The following XPNPEP1 variants were observed in gnomAD, a reference collection of about 807,000 sequenced individuals.
The protein encoded by XPNPEP1 is xaa-Pro aminopeptidase 1.
A neutral mutation model predicts 92.4 loss-of-function variants in XPNPEP1; 39 were observed. That is an observed-to-expected ratio of 0.42 (90% CI 0.33 to 0.55). XPNPEP1 has a LOEUF of 0.55. Among genes scored for constraint, XPNPEP1 ranks in the 20% least tolerant of loss-of-function variants. The probability of loss-of-function intolerance (pLI) is 0.08; values close to 1 mark genes in which losing one functional copy is unlikely to be tolerated. For synonymous variants in XPNPEP1, 307 were observed against 299.4 expected (o/e 1.03, Z -0.26); for missense variants, 654 against 856.1 (o/e 0.76, Z 2.95).
chr10:109,871,063 G>A, intron 17 of XPNPEP1, 159 bp from the exon 18 acceptor site: 2 of 798,276 alleles, frequency 2.5e-6, no homozygotes, highest in Non-Finnish European at 3.7e-6. Flanking sequence ...AACAATCAGA[G>A]CTCCTGAGAA....
At chr10:109,908,719 G>A (rs1849691421) in intron 2 of XPNPEP1, among the ~76,000 whole-genome samples, 2 of 152,236 alleles carry the variant, frequency 1.3e-5, no homozygotes, top group African/African-American at 4.8e-5. Context: ...TCACCCAAGT[G>A]TTAAGAGTGG....
chr10:109,871,833 T>TG lies in XPNPEP1; in HGVS notation c.1480dup (p.His494ProfsTer19), dbSNP rs1430754527. ...GAAAACGGCTGCACTCACAGCTATG[T>TG]GGCCCTTGAGGACATATGTGAAGCA... On this transcript the variant is annotated frameshift_variant, in exon 17 of 21. Coordinates refer to ENST00000502935, the MANE Select transcript of XPNPEP1 (RefSeq NM_020383.4). LOFTEE classifies it high-confidence loss of function. The TG allele has an allele frequency of 6.2e-7, 1 of 1,614,224 alleles. No homozygotes were observed. Among genetic ancestry groups the TG allele is most frequent in the Admixed American group, 1.7e-5 (1 of 60,026 alleles).
At chr10:109,900,274 C>T (rs936120764) in intron 3 of XPNPEP1, among the ~76,000 whole-genome samples, 7 of 152,136 alleles carry the variant, frequency 4.6e-5, no homozygotes, top group African/African-American at 1.2e-4. Context: ...AGGAGAAACT[C>T]CATCAACCCA....
In XPNPEP1 at chr10:109,870,880, C is replaced by T. The variant is rs781349154; in HGVS notation, c.1547G>A (p.Arg516His). The T allele has an allele frequency of 6.8e-6, 11 of 1,613,760 alleles. No individual in the cohort carries two copies. Among genetic ancestry groups the T allele is most frequent in the South Asian group, 2.2e-5 (2 of 91,058 alleles). ...TKGHLLDSFARSALWDSGLDY... is the reference protein window; with the variant it reads ...TKGHLLDSFAHSALWDSGLDY... ...TAGGCCTGAATCCCATAAAGCTGAA[C>T]GGGCAAAGGAGTCAAGAAGGTGACC... The change falls in exon 18 of 21, where the codon CGT (arginine) becomes CAT (histidine). Residue 516 changes from arginine (R) to histidine (H), a missense_variant. Transcript: ENST00000502935.
At chr10:109,896,681 C>A (rs755743288) in intron 3 of XPNPEP1, among the ~76,000 whole-genome samples, 8 of 152,060 alleles carry the variant, frequency 5.3e-5, no homozygotes, top group South Asian at 2.1e-4. Context: ...CCTGTCCCTG[C>A]ACTCAGCACA....
In XPNPEP1 at chr10:109,867,881, T is replaced by A. The variant is rs1487188832; in HGVS notation, c.1872+733A>T. On this transcript the variant is annotated intron_variant, in intron 20 of 20. Coordinates refer to ENST00000502935, the MANE Select transcript of XPNPEP1 (RefSeq NM_020383.4). This position sits in a 1 kb window ranked among gnomAD's most constrained non-coding sequence, Gnocchi z 4.5. ...TTTGGGAACTGTTTTGTCTGTCTAG[T>A]GCTAACAGTTCCTACCCCATTTCTG... Among the ~76,000 whole-genome samples, 1 of 152,246 alleles carries A rather than the reference T, an allele frequency of 6.6e-6. No individual in the cohort carries two copies. Among genetic ancestry groups the A allele is most frequent in the East Asian group, 1.9e-4 (1 of 5,198 alleles).
intron 8 of XPNPEP1, among the ~76,000 whole-genome samples, chr10:109,885,511 T>C (rs1848341295): frequency 6.6e-6 from 1 of 152,218 alleles, no homozygotes; most frequent in African/African-American, 2.4e-5. Flanking sequence ...ATCATTAAGT[T>C]AATTAGGGAT....
intron 5 of XPNPEP1, among the ~76,000 whole-genome samples, chr10:109,889,096 C>A (rs1393510800): frequency 6.6e-6 from 1 of 152,218 alleles, no homozygotes; most frequent in Non-Finnish European, 1.5e-5. Flanking sequence ...AAGGCCGCTG[C>A]CCCATAACCA....
intron 1 of XPNPEP1, among the ~76,000 whole-genome samples, chr10:109,916,651 C>A (rs1000829895): frequency 6.6e-6 from 1 of 152,054 alleles, no homozygotes; most frequent in East Asian, 1.9e-4. Context: ...ATGTTCTTAA[C>A]GAGAGTAAAC....
In XPNPEP1 at chr10:109,882,680, G is replaced by A. The variant is rs768611752; in HGVS notation, c.831-38C>T. On this transcript the variant is annotated intron_variant, in intron 9 of 20. Coordinates refer to ENST00000502935, the MANE Select transcript of XPNPEP1 (RefSeq NM_020383.4). ...GAGAGGTGGGTGGCAGAAAAAGGAG[G>A]GAACATGAGTGAGAGGTGGCAACAC... 5 of 1,607,932 alleles carry A rather than the reference G, an allele frequency of 3.1e-6. No individual in the cohort carries two copies. In the Admixed American group the frequency reaches 6.7e-5, roughly 22 times the overall value.
At chr10:109,888,881 A>G (rs892949997) in intron 5 of XPNPEP1, among the ~76,000 whole-genome samples, 3 of 152,228 alleles carry the variant, frequency 2.0e-5, no homozygotes, top group Non-Finnish European at 4.4e-5. Flanking sequence ...CTTGGGGATC[A>G]CTGCCACGTA....
At chr10:109,865,404 G>A in intron 20 of XPNPEP1, 92 bp from the exon 21 acceptor site, 2 of 1,536,418 alleles carry the variant, frequency 1.3e-6, no homozygotes, top group Non-Finnish European at 1.8e-6. Context: ...CATGTGCTAA[G>A]ATCACAAGCT....
chr10:109,882,689 G>C (rs1848173696), intron 9 of XPNPEP1, 47 bp from the exon 10 acceptor site: 2 of 1,597,706 alleles, frequency 1.3e-6, no homozygotes, highest in Non-Finnish European at 1.7e-6. Flanking sequence ...GGGAACATGA[G>C]TGAGAGGTGG....
At chr10:109,871,465 G>A (rs557278880) in intron 17 of XPNPEP1, among the ~76,000 whole-genome samples, 8 of 152,330 alleles carry the variant, frequency 5.3e-5, no homozygotes, top group African/African-American at 1.9e-4. Flanking sequence ...GGGCAGACAG[G>A]AGGCTGCACC....
intron 1 of XPNPEP1, among the ~76,000 whole-genome samples, chr10:109,919,412 T>C (rs1274883639): frequency 6.6e-6 from 1 of 152,030 alleles, no homozygotes; most frequent in Non-Finnish European, 1.5e-5. Context: ...GAAACACAAA[T>C]CGAAACCACA....
At chr10:109,886,919 C>T (rs1012186109) in intron 7 of XPNPEP1, among the ~76,000 whole-genome samples, 2 of 152,112 alleles carry the variant, frequency 1.3e-5, no homozygotes, top group African/African-American at 4.8e-5. Context: ...CTGTGATTAC[C>T]ACTTCCAAAT....
At chr10:109,913,291 G>A (rs185067325) in intron 2 of XPNPEP1, among the ~76,000 whole-genome samples, 5 of 152,346 alleles carry the variant, frequency 3.3e-5, no homozygotes, top group Admixed American at 2.6e-4. Flanking sequence ...ACATGATAAT[G>A]TGTGTGAAAG....
intron 15 of XPNPEP1, 68 bp from the exon 16 acceptor site, chr10:109,873,495 G>A (rs1847603760): frequency 6.3e-7 from 1 of 1,595,226 alleles, no homozygotes; most frequent in Admixed American, 1.7e-5. Flanking sequence ...ACACAGGCAA[G>A]CATGTGGACA....
rs540632119 is a variant in XPNPEP1, at chr10:109,901,636, T to G, written c.246+6055A>C. Among the ~76,000 whole-genome samples, 19 of 152,362 alleles carry G rather than the reference T, an allele frequency of 1.2e-4. No homozygotes were observed. In the South Asian group the frequency reaches 3.9e-3, roughly 32 times the overall value. Reference sequence around the variant, plus strand: ...TGTCTAAGCACTTGAAATGTGGCTATTGTGACTGAGAAACAGAATACTTAA... The same window carrying G: ...TGTCTAAGCACTTGAAATGTGGCTAGTGTGACTGAGAAACAGAATACTTAA... On this transcript the variant is annotated intron_variant, in intron 3 of 20. Coordinates refer to ENST00000502935, the MANE Select transcript of XPNPEP1 (RefSeq NM_020383.4).
Sources: gnomAD v4.1 joint callset for allele counts (sites outside exome capture counted in the v4.1 genomes callset) on GRCh38, gnomAD v4.1.1 for gene constraint, Gnocchi (gnomAD v3.1) non-coding constraint, MANE v1.5 for transcripts, NCBI Gene and HGNC (gene_info 2026-07-23, HGNC 2026-07-21) for gene names.